GMDS: variants seen among roughly 807,000 people sequenced by gnomAD.
The protein encoded by GMDS is GDP-mannose 4,6-dehydratase.
In GMDS, 20 loss-of-function variants were observed where a neutral mutation model predicts 49.9. The ratio of observed to expected loss-of-function variants is 0.40; its 90% CI spans 0.28 to 0.58. GMDS has a LOEUF of 0.58. GMDS is among the 20% of genes least tolerant of loss of function. The pLI is 0.42. For missense variants in GMDS, 362 were observed against 481.4 expected (o/e 0.75, Z 2.32); for synonymous variants, 177 against 178.6 (o/e 0.99, Z 0.07).
At chr6:2,181,174 C>CAAAAAA (rs755377915) in intron 1 of GMDS, among the ~76,000 whole-genome samples, 4 of 51,316 alleles carry the variant, frequency 7.8e-5, no homozygotes, top group Non-Finnish European at 1.4e-4. Context: ...GACTCCATCT[C>CAAAAAA]AAAAAAAAAA....
intron 7 of GMDS, among the ~76,000 whole-genome samples, chr6:1,809,517 T>G (rs1360858126): frequency 6.6e-6 from 1 of 152,210 alleles, no homozygotes; most frequent in Non-Finnish European, 1.5e-5. Flanking sequence ...ACTCATTGGA[T>G]TTTTGATTCC....
chr6:1,979,911 A>G (rs1765124638), intron 4 of GMDS, among the ~76,000 whole-genome samples: 1 of 152,214 alleles, frequency 6.6e-6, no homozygotes, highest in East Asian at 1.9e-4. Context: ...TAAAGAAAAG[A>G]ATTTCCTATC....
chr6:1,677,125 G>C (rs1319101062), intron 9 of GMDS, among the ~76,000 whole-genome samples: 2 of 152,164 alleles, frequency 1.3e-5, no homozygotes, highest in South Asian at 2.1e-4. Flanking sequence ...CAAAGGATAC[G>C]AACAGACACT....
chr6:2,195,222 G>A (rs762839298), intron 1 of GMDS, among the ~76,000 whole-genome samples: 1 of 152,024 alleles, frequency 6.6e-6, no homozygotes, highest in Non-Finnish European at 1.5e-5. Flanking sequence ...TTCTGTAGAA[G>A]CGATAGTACT....
At chr6:2,060,767 C>T (rs1419154114) in intron 4 of GMDS, among the ~76,000 whole-genome samples, 1 of 152,152 alleles carries the variant, frequency 6.6e-6, no homozygotes, top group East Asian at 1.9e-4. Context: ...CGGTGACTCA[C>T]ACCTGTAATC....
intron 2 of GMDS, among the ~76,000 whole-genome samples, chr6:2,120,051 G>T (rs1448841605): frequency 2.0e-5 from 3 of 152,120 alleles, no homozygotes; most frequent in East Asian, 1.9e-4. Context: ...AGGCAAGGAC[G>T]ACTCCCAGGG....
chr6:2,161,252 G>A (rs532102599), intron 1 of GMDS, among the ~76,000 whole-genome samples: 13 of 151,006 alleles, frequency 8.6e-5, no homozygotes, highest in South Asian at 8.4e-4. Context: ...CTTGTGATCC[G>A]CCTGCCTCGG....
rs1242872001 is a variant in GMDS at position 1,635,401 on chromosome 6, C to T, written c.988-10861G>A. 6.6e-6 allele frequency among the ~76,000 whole-genome samples: 1 copy of T among 152,216 alleles called. No homozygotes were observed. The highest frequency in any genetic ancestry group is 1.5e-5 in the Non-Finnish European group (1 of 68,032). ...CGCAACCAACATGGCCCACTTTCAT[C>T]CTCCGGCTGCAGCAGGAGGAAGTCC... On this transcript the variant is annotated intron_variant, in intron 9 of 10. Coordinates refer to ENST00000380815, the MANE Select transcript of GMDS (RefSeq NM_001500.4). This position sits in a 1 kb window ranked among gnomAD's most constrained non-coding sequence, Gnocchi z 4.7.
intron 9 of GMDS, among the ~76,000 whole-genome samples, chr6:1,707,009 T>G (rs1765763803): frequency 1.3e-5 from 2 of 152,226 alleles, no homozygotes; most frequent in Admixed American, 1.3e-4. Context: ...GGTTCCTAAC[T>G]TATAGCCTTC....
chr6:1,887,534 T>A (rs1458409710), intron 7 of GMDS, among the ~76,000 whole-genome samples: 2 of 152,200 alleles, frequency 1.3e-5, no homozygotes, highest in African/African-American at 2.4e-5. Context: ...AGAGTTTTAT[T>A]CTGTTATGAA....
intron 9 of GMDS, chr6:1,717,751 G>A (rs1766224324): frequency 6.6e-6 from 1 of 152,156 alleles, no homozygotes; most frequent in African/African-American, 2.4e-5. Flanking sequence ...TTTCACAAGA[G>A]TATATGATAA....
At chr6:1,832,009 T>C (rs140825383) in intron 7 of GMDS, among the ~76,000 whole-genome samples, 265 of 152,064 alleles carry the variant, frequency 1.7e-3, no homozygotes, top group African/African-American at 6.0e-3. Context: ...AATAAATATA[T>C]AAAAACTACC....
intron 6 of GMDS, among the ~76,000 whole-genome samples, chr6:1,944,191 G>T (rs1762949792): frequency 6.6e-6 from 1 of 152,120 alleles, no homozygotes; most frequent in South Asian, 2.1e-4. Flanking sequence ...CATTTAAGAA[G>T]TAAGGCAGAG....
chr6:1,636,640 GCC>G (rs1392688837), intron 9 of GMDS, among the ~76,000 whole-genome samples: 3 of 152,186 alleles, frequency 2.0e-5, no homozygotes, highest in Non-Finnish European at 2.9e-5. Context: ...GGAGGGATGA[GCC>G]CCCAGGATGG....
At chr6:2,014,816 G>A (rs921314682) in intron 4 of GMDS, among the ~76,000 whole-genome samples, 1 of 152,026 alleles carries the variant, frequency 6.6e-6, no homozygotes, top group Non-Finnish European at 1.5e-5. Flanking sequence ...ACTATATGTT[G>A]TCTATAAGAA....
intron 4 of GMDS, among the ~76,000 whole-genome samples, chr6:1,971,038 A>C (rs1005095703): frequency 1.8e-4 from 27 of 152,086 alleles, no homozygotes; most frequent in African/African-American, 5.3e-4. Flanking sequence ...GGTGAGGATG[A>C]GACATTCTAA....
intron 1 of GMDS, among the ~76,000 whole-genome samples, chr6:2,164,978 G>A (rs1039850550): frequency 2.6e-5 from 4 of 152,192 alleles, no homozygotes; most frequent in African/African-American, 7.2e-5. Flanking sequence ...GCTTTAAGTG[G>A]TTGGTTAGGA....
rs1487276901 is a variant in GMDS, at chr6:1,836,652, G to A, written c.771+93451C>T. Among the ~76,000 whole-genome samples the A allele has an allele frequency of 2.6e-5, 4 of 152,168 alleles. No homozygotes were observed. The highest frequency in any genetic ancestry group is 6.5e-5 in the Admixed American group (1 of 15,278). On this transcript the variant is annotated intron_variant, in intron 7 of 10. Transcript: ENST00000380815. This position sits in a 1 kb window ranked among gnomAD's most constrained non-coding sequence, Gnocchi z 4.2. ...CATAAAAGGGAGATTGGGTAGAAGCGGCTGATGAACTGGTTACATTAACAT... is the reference window on the plus strand; with the variant it reads ...CATAAAAGGGAGATTGGGTAGAAGCAGCTGATGAACTGGTTACATTAACAT...
intron 4 of GMDS, among the ~76,000 whole-genome samples, chr6:2,058,095 A>T (rs889186339): frequency 2.0e-5 from 3 of 152,184 alleles, no homozygotes; most frequent in African/African-American, 7.2e-5. Context: ...ACAGTGGCTC[A>T]TGCCTATAAT....
Sources: gnomAD v4.1 joint callset for allele counts (sites outside exome capture counted in the v4.1 genomes callset) on GRCh38, gnomAD v4.1.1 for gene constraint, Gnocchi (gnomAD v3.1) non-coding constraint, MANE v1.5 for transcripts, NCBI Gene and HGNC (gene_info 2026-07-23, HGNC 2026-07-21) for gene names.